The following MED22 variants were observed in gnomAD, a reference collection of about 807,000 sequenced individuals.
The protein encoded by MED22 is mediator of RNA polymerase II transcription subunit 22.
Under a neutral mutation model 22.7 loss-of-function variants are expected in MED22, and 22 were observed. The observed-to-expected ratio is 0.97, with a 90% CI of 0.69 to 1.38. The LOEUF is 1.38. Ranked by LOEUF, MED22 falls within the 40% of genes most tolerant of loss-of-function variation. The pLI is 0.00. For synonymous variants in MED22, 134 were observed against 119.4 expected, an observed-to-expected ratio of 1.12 and a Z score of -0.80; for missense variants, 247 against 263.0, an observed-to-expected ratio of 0.94 and a Z score of 0.42.
intron 4 of MED22, chr9:133,343,822 C>T (rs1488467740): frequency 4.3e-6 from 6 of 1,404,126 alleles, no homozygotes; most frequent in South Asian, 1.7e-5. Flanking sequence ...GGAAGGCTCT[C>T]GGAAGAGGGC....
Position 133,344,281 on chromosome 9 carries a change from AG to A in MED22, c.256del (p.Leu86Ter). 1 of 1,614,198 alleles carries A rather than the reference AG, an allele frequency of 6.2e-7. No homozygotes were observed. The highest frequency in any genetic ancestry group is 8.5e-7 in the Non-Finnish European group (1 of 1,180,040). On this transcript the variant is annotated frameshift_variant, in exon 4 of 5. Transcript: ENST00000343730. LOFTEE classifies it high-confidence loss of function. ...CACGGAGGGGAAGTCATTGAGGATC[AG>A]GAACTGCTTGAGGTCGGACACCAGC... is the stretch of plus-strand genomic sequence containing the variant. ...MKLVSDLKQF[L>X]ILNDFPSVNE...
chr9:133,344,338 G>T lies in MED22; in HGVS notation c.205-5C>A. On this transcript the variant is annotated splice_polypyrimidine_tract_variant and splice_region_variant and intron_variant, in intron 3 of 4. Coordinates refer to ENST00000343730, the MANE Select transcript of MED22 (RefSeq NM_133640.5). ...CAGGGACTCGCCGGCTCGGACCTGTGGCCATCAGAACCAGGGCGGGCACAG... is the reference window on the plus strand; with the variant it reads ...CAGGGACTCGCCGGCTCGGACCTGTTGCCATCAGAACCAGGGCGGGCACAG... The T allele has an allele frequency of 2.5e-6, 4 of 1,613,864 alleles. No individual in the cohort carries two copies. The highest frequency in any genetic ancestry group is 3.4e-6 in the Non-Finnish European group (4 of 1,179,924).
chr9:133,346,303 G>C (rs1564341170), intron 2 of MED22: 1 of 534,276 alleles, frequency 1.9e-6, no homozygotes, highest in East Asian at 3.3e-5. Flanking sequence ...GTCATCACAA[G>C]GACCCCACCA....
At position 133,348,069 on chromosome 9, in the gene MED22, C is replaced by A; in HGVS notation, c.-186G>T. 1.1e-6 allele frequency: 1 copy of A among 893,400 alleles called. No homozygotes were observed. Among genetic ancestry groups the A allele is most frequent in the East Asian group, 2.5e-5 (1 of 39,990 alleles). The allele number at this position is 893,400 out of a possible 1,614,324, so 55.3% of individuals were successfully genotyped here. On this transcript the variant is annotated 5_prime_UTR_variant, in exon 1 of 5. Transcript: ENST00000343730. The stretch of plus-strand genomic sequence containing the variant: ...TCTCTCTTCCCCGCCGCGCCGCGGT[C>A]CGAAAACCTAGTCAGCCGCCGCAGC...
intron 3 of MED22, among the ~76,000 whole-genome samples, chr9:133,344,760 A>T (rs1396082659): frequency 6.6e-6 from 1 of 152,132 alleles, no homozygotes; most frequent in Non-Finnish European, 1.5e-5. Context: ...CTGCGGAATT[A>T]TCTGCTTGCT....
chr9:133,345,321 C>G (rs2129964959), intron 2 of MED22, 69 bp from the exon 3 acceptor site: 2 of 1,484,722 alleles, frequency 1.3e-6, no homozygotes, highest in Non-Finnish European at 1.9e-6. Flanking sequence ...CCGGCCCAGC[C>G]CAGCTTACGG....
chr9:133,344,539 C>T (rs1386052406), intron 3 of MED22, among the ~76,000 whole-genome samples: 1 of 152,210 alleles, frequency 6.6e-6, no homozygotes, highest in Non-Finnish European at 1.5e-5. Flanking sequence ...GCAGGCCCTC[C>T]CCTCTCGTCA....
chr9:133,341,353 C>G lies in MED22; in HGVS notation c.*152G>C, dbSNP rs1835999207. ...TCCCTACTGTCCTGGCGGGACCCAC[C>G]CTGGGCTAACGGGCTTCCCAAGGAA... is the stretch of plus-strand genomic sequence containing the variant. On this transcript the variant is annotated 3_prime_UTR_variant, in exon 5 of 5. Coordinates refer to ENST00000343730, the MANE Select transcript of MED22 (RefSeq NM_133640.5). The G allele has an allele frequency of 2.5e-6, 2 of 789,806 alleles. No individual in the cohort carries two copies. Among genetic ancestry groups the G allele is most frequent in the South Asian group, 2.5e-5 (1 of 39,276 alleles). 48.9% of individuals were successfully genotyped at this position (789,806 alleles called of 1,614,324 possible).
chr9:133,344,753 C>T (rs2129962738), intron 3 of MED22, among the ~76,000 whole-genome samples: 28 of 152,258 alleles, frequency 1.8e-4, no homozygotes, highest in Admixed American at 1.4e-3. Flanking sequence ...CGTGCACCTG[C>T]GGAATTATCT....
rs1835954369 is a variant in MED22 at position 133,339,195 on chromosome 9, A to G, written c.*2310T>C. 2 of 693,504 alleles carry G rather than the reference A, an allele frequency of 2.9e-6. No individual in the cohort carries two copies. Among genetic ancestry groups the G allele is most frequent in the African/African-American group, 3.5e-5 (2 of 56,976 alleles). 43.0% of individuals were successfully genotyped at this position (693,504 alleles called of 1,614,324 possible). ...ACTGGGAGAGTCTACAGTGTTCCCC[A>G]GCATGCTGTTGGCACTGTTGTAAAC... On this transcript the variant is annotated 3_prime_UTR_variant, in exon 5 of 5. Coordinates refer to ENST00000343730, the MANE Select transcript of MED22 (RefSeq NM_133640.5).
At chr9:133,346,383 G>A (rs1396601874) in intron 2 of MED22, 157 bp downstream of exon 2, 11 of 835,084 alleles carry the variant, frequency 1.3e-5, no homozygotes, top group Non-Finnish European at 2.1e-5. Flanking sequence ...AGGGCTGGAC[G>A]TGCCATTATT....
rs2129961945 is a variant in MED22 at position 133,344,428 on chromosome 9, G to A, written c.205-95C>T. ...GCTGGGCAAGGGATGGCCTCTCTAG[G>A]AGCCTCAGCTTCCTCATCTGCAAAG... is the stretch of plus-strand genomic sequence containing the variant. On this transcript the variant is annotated intron_variant, in intron 3 of 4. Transcript: ENST00000343730. The A allele has an allele frequency of 3.8e-5, 49 of 1,283,502 alleles. No individual in the cohort carries two copies. The African/African-American group carries it at 6.9e-4, about 18-fold the overall frequency. 79.5% of individuals were successfully genotyped at this position (1,283,502 alleles called of 1,614,324 possible).
rs1835966971 is a variant in MED22, at chr9:133,340,013, G to T, written c.*1492C>A. 6.6e-6 allele frequency: 1 copy of T among 152,492 alleles called. No individual in the cohort carries two copies. The highest frequency in any genetic ancestry group is 1.5e-5 in the Non-Finnish European group (1 of 68,254). The allele number at this position is 152,492 out of a possible 1,614,324, so 9.4% of individuals were successfully genotyped here. The stretch of plus-strand genomic sequence containing the variant: ...TATCGCTCAGGATTTTAGGAACAGG[G>T]TAAGTGGGATCCCACCACAAAGTCT... On this transcript the variant is annotated 3_prime_UTR_variant, in exon 5 of 5. Transcript: ENST00000343730.
At chr9:133,345,050 T>C (rs1836139359) in intron 3 of MED22, 122 bp downstream of exon 3, 1 of 911,274 alleles carries the variant, frequency 1.1e-6, no homozygotes. Flanking sequence ...TTTGCCTCCT[T>C]CTGCTCCTTC....
intron 3 of MED22, among the ~76,000 whole-genome samples, chr9:133,344,749 C>G (rs2129962686): frequency 9.2e-5 from 14 of 152,294 alleles, no homozygotes; most frequent in Admixed American, 7.2e-4. Context: ...TGGACGTGCA[C>G]CTGCGGAATT....
chr9:133,344,005 G>A (rs1310077486), intron 4 of MED22, 120 bp downstream of exon 4: 33 of 1,515,336 alleles, frequency 2.2e-5, no homozygotes, highest in Non-Finnish European at 2.7e-5. Context: ...CTGAAACCCA[G>A]GCATGGCTCC....
At chr9:133,344,024 G>C (rs1379226682) in intron 4 of MED22, 101 bp downstream of exon 4, 10 of 1,562,504 alleles carry the variant, frequency 6.4e-6, no homozygotes, top group African/African-American at 1.3e-5. Flanking sequence ...CCACTGCTAA[G>C]ACCAGCAAGA....
In MED22 at chr9:133,339,689, G is replaced by A. The variant is rs1259246551; in HGVS notation, c.*1816C>T. On this transcript the variant is annotated 3_prime_UTR_variant, in exon 5 of 5. Coordinates refer to ENST00000343730, the MANE Select transcript of MED22 (RefSeq NM_133640.5). ...CACTGCCCTCAAAATAAAAAGCTTG[G>A]GATAAAAGAGTTACATGGACTGAGA... 2 of 316,050 alleles carry A rather than the reference G, an allele frequency of 6.3e-6. No individual in the cohort carries two copies. Among genetic ancestry groups the A allele is most frequent in the African/African-American group, 4.4e-5 (2 of 45,626 alleles). 19.6% of individuals were successfully genotyped at this position (316,050 alleles called of 1,614,324 possible). A position where few individuals can be genotyped will look rare whatever the true frequency, so the allele number is the denominator to read the frequency against.
intron 4 of MED22, chr9:133,342,984 TGCCCA>T: frequency 1.0e-6 from 1 of 986,080 alleles, no homozygotes; most frequent in Non-Finnish European, 1.2e-6. Context: ...TGGAAGGAGA[TGCCCA>T]GAAGGGTCTG....
Sources: allele counts gnomAD v4.1 joint callset (sites outside exome capture counted in the v4.1 genomes callset), GRCh38; gene constraint gnomAD v4.1.1; transcripts MANE v1.5; gene names NCBI Gene and HGNC (gene_info 2026-07-23, HGNC 2026-07-21).